Variants in SV2C observed in about 807,000 individuals in gnomAD.
The protein encoded by SV2C is solute carrier family 22 member B3.
In SV2C, 49 loss-of-function variants were observed where a neutral mutation model predicts 79.7. The observed-to-expected ratio is 0.61, with a 90% CI of 0.49 to 0.78. SV2C has a LOEUF of 0.78. Among genes scored for constraint, SV2C ranks in the 30% least tolerant of loss-of-function variants. The pLI, the probability that SV2C is intolerant of heterozygous loss-of-function variation, is 0.00. For synonymous variants in SV2C, 334 were observed against 333.2 expected, an observed-to-expected ratio of 1.00 and a Z score of -0.03; for missense variants, 833 against 912.9, an observed-to-expected ratio of 0.91 and a Z score of 1.13.
chr5:75,907,585 T>C, the SV2C span, among the ~76,000 whole-genome samples: 1 of 152,158 alleles, frequency 6.6e-6, no homozygotes, highest in East Asian at 1.9e-4. Flanking sequence ...TTTGGGTAAA[T>C]GGGAAACATC....
Position 76,328,909 on chromosome 5 carries a change from C to T in SV2C, c.*3362C>T, listed in dbSNP as rs942118469. On this transcript the variant is annotated 3_prime_UTR_variant, in exon 13 of 13. Transcript: ENST00000502798. Reference sequence around the variant, plus strand: ...CCTCCCAAGTAGCTGGGACCACACGCATGCGCCACCACGCCCAGCTAATTT... The same window carrying T: ...CCTCCCAAGTAGCTGGGACCACACGTATGCGCCACCACGCCCAGCTAATTT... 1 of 152,130 alleles carries T rather than the reference C, an allele frequency of 6.6e-6. No individual in the cohort carries two copies. Among genetic ancestry groups the T allele is most frequent in the African/African-American group, 2.4e-5 (1 of 41,364 alleles). 9.4% of individuals were successfully genotyped at this position (152,130 alleles called of 1,614,324 possible).
the SV2C span, among the ~76,000 whole-genome samples, chr5:76,073,651 G>A: frequency 6.6e-6 from 1 of 150,856 alleles, no homozygotes; most frequent in Non-Finnish European, 1.5e-5. Context: ...CTCAGGAATG[G>A]AAAACCAAAC....
chr5:76,340,523 C>T (rs1281854658), intron 12 of SV2C, among the ~76,000 whole-genome samples: 1 of 152,106 alleles, frequency 6.6e-6, no homozygotes, highest in African/African-American at 2.4e-5. Flanking sequence ...AGGAAGTCAT[C>T]CTGCAGTGGG....
Position 76,132,207 on chromosome 5 carries a change from G to T in SV2C, c.457G>T (p.Ala153Ser), listed in dbSNP as rs767922332. Residue 153 changes from alanine (A) to serine (S), a missense_variant, in exon 2 of 13, where the codon GCC (alanine) becomes TCC (serine). Physicochemically the swap from Ala to Ser is moderately conservative, Grantham distance 99. Transcript: ENST00000502798. ...QECGHGRFQW[A>S]LFFVLGMALM... is the part of the protein sequence containing the mutation. ...ATGCGGTCATGGTCGTTTTCAGTGG[G>T]CCCTTTTCTTCGTCCTGGGCATGGC... The T allele has an allele frequency of 1.9e-6, 3 of 1,614,112 alleles. No individual in the cohort carries two copies. Among genetic ancestry groups the T allele is most frequent in the South Asian group, 1.1e-5 (1 of 91,080 alleles).
chr5:76,325,313 A>C lies in SV2C; in HGVS notation c.2001-51A>C, dbSNP rs556468965. On this transcript the variant is annotated intron_variant, in intron 12 of 12. Transcript: ENST00000502798. ...CTAGGATCTTTTGGTCTAAAGTTGG[A>C]ATCATGGGGAGGCATTTTCTCAACC... is the stretch of plus-strand genomic sequence containing the variant. 3.8e-6 allele frequency: 6 copies of C among 1,582,854 alleles called. No individual in the cohort carries two copies. In the Admixed American group the frequency reaches 8.6e-5, roughly 23 times the overall value.
At chr5:76,198,483 C>T (rs1390593715) in intron 3 of SV2C, among the ~76,000 whole-genome samples, 1 of 152,124 alleles carries the variant, frequency 6.6e-6, no homozygotes, top group Non-Finnish European at 1.5e-5. Context: ...TCACCAGATG[C>T]CCAGTCTTCC....
intron 4 of SV2C, among the ~76,000 whole-genome samples, chr5:76,215,835 T>C (rs1293672210): frequency 2.6e-5 from 4 of 152,056 alleles, no homozygotes; most frequent in Admixed American, 1.3e-4. Context: ...TGCAAGTGTA[T>C]TTCAAATGAT....
chr5:76,182,774 A>G (rs1348369183), intron 2 of SV2C, among the ~76,000 whole-genome samples: 2 of 152,132 alleles, frequency 1.3e-5, no homozygotes, highest in Non-Finnish European at 2.9e-5. Flanking sequence ...TGGGTAATTT[A>G]TAAAGAAAGG....
At chr5:76,223,455 A>G (rs1283359386) in intron 4 of SV2C, among the ~76,000 whole-genome samples, 1 of 25,684 alleles carries the variant, frequency 3.9e-5, no homozygotes, top group Non-Finnish European at 6.4e-5. Context: ...ATATATATAT[A>G]TATATATATA....
the SV2C span, among the ~76,000 whole-genome samples, chr5:76,018,952 A>C: frequency 1.3e-5 from 2 of 152,194 alleles, no homozygotes; most frequent in African/African-American, 4.8e-5. Flanking sequence ...AAATGATAAG[A>C]AATTCTAGAG....
At chr5:76,010,740 A>C in the SV2C span, among the ~76,000 whole-genome samples, 1 of 152,138 alleles carries the variant, frequency 6.6e-6, no homozygotes, top group Admixed American at 6.5e-5. Context: ...TTCTGAAGGA[A>C]AAAAGGGTCC....
chr5:76,070,915 G>A, the SV2C span, among the ~76,000 whole-genome samples: 6 of 152,208 alleles, frequency 3.9e-5, no homozygotes, highest in African/African-American at 1.4e-4. Flanking sequence ...TTTTCAGGAA[G>A]TCTTCGGAGA....
chr5:75,941,379 C>G, the SV2C span, among the ~76,000 whole-genome samples: 1 of 152,168 alleles, frequency 6.6e-6, no homozygotes, highest in East Asian at 1.9e-4. Flanking sequence ...TAAACATCTT[C>G]TATAGCCAAT....
the SV2C span, among the ~76,000 whole-genome samples, chr5:75,955,164 C>A: frequency 6.6e-6 from 1 of 151,582 alleles, no homozygotes; most frequent in East Asian, 1.9e-4. Flanking sequence ...GCTACAGTAA[C>A]CAAAACAACA....
chr5:75,900,308 C>T, the SV2C span, among the ~76,000 whole-genome samples: 1 of 152,136 alleles, frequency 6.6e-6, no homozygotes, highest in Admixed American at 6.5e-5. Context: ...GATTTTATTT[C>T]TCCTTCACTT....
intron 12 of SV2C, among the ~76,000 whole-genome samples, chr5:76,340,858 C>T (rs1246133726): frequency 1.3e-5 from 2 of 151,968 alleles, no homozygotes; most frequent in Admixed American, 1.3e-4. Context: ...TATCCTCCTG[C>T]CTCAGCCTTC....
chr5:75,888,543 G>A, the SV2C span, among the ~76,000 whole-genome samples: 1,561 of 151,946 alleles, frequency 0.01, 22 homozygotes, highest in African/African-American at 0.036. Flanking sequence ...TGAGTGGAAG[G>A]CTTTTCCTTT....
At chr5:75,893,970 C>G in the SV2C span, among the ~76,000 whole-genome samples, 1 of 151,950 alleles carries the variant, frequency 6.6e-6, no homozygotes, top group African/African-American at 2.4e-5. Context: ...GGAGATGAAG[C>G]CAGCAAGGTA....
the SV2C span, among the ~76,000 whole-genome samples, chr5:76,010,655 A>G: frequency 6.6e-6 from 1 of 152,170 alleles, no homozygotes; most frequent in Non-Finnish European, 1.5e-5. Flanking sequence ...TCTAACTCTA[A>G]CATTAAAATT....
Sources: gnomAD v4.1 joint callset for allele counts (sites outside exome capture counted in the v4.1 genomes callset) on GRCh38, gnomAD v4.1.1 for gene constraint, MANE v1.5 for transcripts, NCBI Gene and HGNC (gene_info 2026-07-23, HGNC 2026-07-21) for gene names.